The following C4orf36 variants were observed in gnomAD, a reference collection of about 807,000 sequenced individuals.
C4orf36 encodes chromosome 4 open reading frame 36.
A neutral mutation model predicts 12.2 loss-of-function variants in C4orf36; 11 were observed. The ratio of observed to expected loss-of-function variants is 0.90; its 90% CI spans 0.57 to 1.49. The LOEUF is 1.49. C4orf36 is among the 40% of genes most tolerant of loss of function. The pLI is 0.00. For missense variants in C4orf36, 137 were observed against 133.9 expected (o/e 1.02, Z -0.11); for synonymous variants, 54 against 51.3 (o/e 1.05, Z -0.22).
At chr4:86,890,995 A>G (rs569399771) in intron 2 of C4orf36, among the ~76,000 whole-genome samples, 1 of 142,660 alleles carries the variant, frequency 7.0e-6, no homozygotes, top group Non-Finnish European at 1.5e-5. Context: ...ACTGCCTGCC[A>G]AAGTATACAG....
the C4orf36 span, among the ~76,000 whole-genome samples, chr4:86,919,452 A>G: frequency 6.7e-6 from 1 of 149,978 alleles, no homozygotes; most frequent in Non-Finnish European, 1.5e-5. Flanking sequence ...CCTCCTGAGT[A>G]GCTGGGATCG....
At chr4:86,929,694 T>C in the C4orf36 span, among the ~76,000 whole-genome samples, 16 of 152,346 alleles carry the variant, frequency 1.1e-4, no homozygotes, top group African/African-American at 3.8e-4. Context: ...ATTCTCTTAC[T>C]TCTCTTTATA....
rs1746925041 is a variant in C4orf36, at chr4:86,876,323, G to A, written c.*123C>T. 1.3e-6 allele frequency: 2 copies of A among 1,485,878 alleles called. No individual in the cohort carries two copies. Among genetic ancestry groups the A allele is most frequent in the Non-Finnish European group, 1.8e-6 (2 of 1,113,452 alleles). The allele number at this position is 1,485,878 out of a possible 1,614,324, so 92.0% of individuals were successfully genotyped here. A position where few individuals can be genotyped will look rare whatever the true frequency, so the allele number is the denominator to read the frequency against. ...CCGTGGGAGGCTTCCTGAGGTGGGG[G>A]CCGGGCCAGGATGGCTGCAGCGCAG... On this transcript the variant is annotated 3_prime_UTR_variant, in exon 5 of 5. Coordinates refer to ENST00000295898, the MANE Select transcript of C4orf36 (RefSeq NM_144645.4).
the C4orf36 span, among the ~76,000 whole-genome samples, chr4:86,906,854 A>G: frequency 6.6e-6 from 1 of 151,968 alleles, no homozygotes; most frequent in Admixed American, 6.6e-5. Context: ...AGCCTGGCCA[A>G]CATGGCAAAA....
the C4orf36 span, among the ~76,000 whole-genome samples, chr4:86,909,236 G>A: frequency 2.0e-5 from 3 of 152,160 alleles, no homozygotes; most frequent in East Asian, 5.8e-4. Context: ...ATGAGGAGCT[G>A]GGTCAAGAAG....
the C4orf36 span, among the ~76,000 whole-genome samples, chr4:86,910,228 G>A: frequency 2.0e-5 from 3 of 151,894 alleles, no homozygotes; most frequent in Non-Finnish European, 2.9e-5. Context: ...GATCACTTGA[G>A]ACCAGGAGTT....
chr4:86,892,482 G>A (rs1360030585), upstream of C4orf36: 1 of 981,478 alleles, frequency 1.0e-6, no homozygotes. Context: ...CTCCCCACCC[G>A]CCAGGGAGGG....
the C4orf36 span, among the ~76,000 whole-genome samples, chr4:86,920,224 A>G: frequency 6.6e-6 from 1 of 152,094 alleles, no homozygotes; most frequent in African/African-American, 2.4e-5. Context: ...ATTGGCCTCT[A>G]CTGTCTATAT....
chr4:86,922,090 T>C, the C4orf36 span, among the ~76,000 whole-genome samples: 1 of 152,158 alleles, frequency 6.6e-6, no homozygotes, highest in Non-Finnish European at 1.5e-5. Context: ...GATCAAAGGA[T>C]AATTCAAAAA....
the C4orf36 span, among the ~76,000 whole-genome samples, chr4:86,919,851 A>G: frequency 6.6e-6 from 1 of 152,256 alleles, no homozygotes; most frequent in African/African-American, 2.4e-5. Flanking sequence ...CCTGGGCAGC[A>G]AAGTGAGACC....
the C4orf36 span, among the ~76,000 whole-genome samples, chr4:86,905,765 T>G: frequency 6.6e-6 from 1 of 151,478 alleles, no homozygotes; most frequent in African/African-American, 2.4e-5. Context: ...TTGCCCAGGC[T>G]GGAGTGCAAT....
At chr4:86,903,878 C>T in the C4orf36 span, among the ~76,000 whole-genome samples, 2 of 152,292 alleles carry the variant, frequency 1.3e-5, no homozygotes, top group South Asian at 2.1e-4. Context: ...TAGCTAGACA[C>T]AAAATTTCTC....
the C4orf36 span, among the ~76,000 whole-genome samples, chr4:86,903,995 A>G: frequency 6.6e-6 from 1 of 152,312 alleles, no homozygotes; most frequent in South Asian, 2.1e-4. Context: ...CTAGCTAGAC[A>G]CAGAGTGCTG....
chr4:86,896,064 C>T (rs1441841013), upstream of C4orf36, among the ~76,000 whole-genome samples: 1 of 152,134 alleles, frequency 6.6e-6, no homozygotes, highest in African/African-American at 2.4e-5. Flanking sequence ...TATACATTGT[C>T]TCAATTATCA....
At chr4:86,896,762 C>T (rs1243544260), upstream of C4orf36, among the ~76,000 whole-genome samples, 2 of 152,180 alleles carry the variant, frequency 1.3e-5, no homozygotes, top group Non-Finnish European at 2.9e-5. Context: ...GATGCGTATC[C>T]GTTTGTGGGA....
chr4:86,934,920 A>G, the C4orf36 span: 5 of 151,270 alleles, frequency 3.3e-5, no homozygotes, highest in Admixed American at 2.0e-4. Context: ...GGAACCCGGT[A>G]CCGCAGCTCG....
rs1300861268 is a variant in C4orf36, at chr4:86,876,360, GC to G, written c.*85del. On this transcript the variant is annotated 3_prime_UTR_variant, in exon 5 of 5. Coordinates refer to ENST00000295898, the MANE Select transcript of C4orf36 (RefSeq NM_144645.4). The stretch of plus-strand genomic sequence containing the variant: ...TGGCTGCAGCGCAGCGACGGCCGGG[GC>G]CGGGAGCGGGTCCTGGGCGGCCCAG... 2.7e-5 allele frequency: 42 copies of G among 1,582,562 alleles called. 2 individuals carry two copies. The South Asian group carries it at 4.1e-4, about 15-fold the overall frequency.
At chr4:86,921,885 C>G in the C4orf36 span, among the ~76,000 whole-genome samples, 1 of 152,170 alleles carries the variant, frequency 6.6e-6, no homozygotes, top group African/African-American at 2.4e-5. Flanking sequence ...TACTTTCTGT[C>G]TGTATGAATC....
chr4:86,901,360 GTC>G, the C4orf36 span, among the ~76,000 whole-genome samples: 23,824 of 151,888 alleles, frequency 0.16, 2,185 homozygotes, highest in Middle Eastern at 0.2. Flanking sequence ...TCTTCTCTCT[GTC>G]TCTCTCACTC....
Sources: gnomAD v4.1 joint callset for allele counts (sites outside exome capture counted in the v4.1 genomes callset) on GRCh38, gnomAD v4.1.1 for gene constraint, MANE v1.5 for transcripts, NCBI Gene and HGNC (gene_info 2026-07-23, HGNC 2026-07-21) for gene names.